TRPM7: variants seen among roughly 807,000 people sequenced by gnomAD.
TRPM7 encodes LTRPC ion channel family member 7.
TRPM7 carries 134 observed loss-of-function variants against 229.7 expected under a neutral mutation model. The observed-to-expected ratio is 0.58, with a 90% CI of 0.51 to 0.67. The LOEUF is 0.67. TRPM7 is among the 30% of genes least tolerant of loss of function. The pLI, the probability that TRPM7 is intolerant of heterozygous loss-of-function variation, is 0.00. For missense variants in TRPM7, 1,901 were observed against 2,210.0 expected (o/e 0.86, Z 2.80); for synonymous variants, 699 against 715.2 (o/e 0.98, Z 0.36).
chr15:50,612,059 G>A (rs1007039252), intron 16 of TRPM7, among the ~76,000 whole-genome samples: 1 of 152,040 alleles, frequency 6.6e-6, no homozygotes, highest in Non-Finnish European at 1.5e-5. Context: ...TAATCCAATT[G>A]CTACTATTTG....
At chr15:50,642,836 C>T (rs1177742603) in intron 5 of TRPM7, among the ~76,000 whole-genome samples, 1 of 151,580 alleles carries the variant, frequency 6.6e-6, no homozygotes, top group Non-Finnish European at 1.5e-5. Context: ...TATAGTTTGC[C>T]AAATCCTGCT....
intron 11 of TRPM7, among the ~76,000 whole-genome samples, chr15:50,626,673 T>C (rs1479959514): frequency 1.3e-5 from 2 of 152,000 alleles, no homozygotes; most frequent in East Asian, 1.9e-4. Context: ...AAGGGAAAAA[T>C]AAGGTTGGTT....
chr15:50,610,709 C>T (rs1452449830), intron 17 of TRPM7, among the ~76,000 whole-genome samples: 1 of 152,080 alleles, frequency 6.6e-6, no homozygotes, highest in Non-Finnish European at 1.5e-5. Flanking sequence ...ATCCAATATA[C>T]TTTAAGTAAC....
intron 1 of TRPM7, among the ~76,000 whole-genome samples, chr15:50,665,919 G>T (rs977832176): frequency 6.6e-6 from 1 of 152,066 alleles, no homozygotes; most frequent in African/African-American, 2.4e-5. Flanking sequence ...CTTGAACGTG[G>T]AAGGCAGAGC....
Position 50,637,601 on chromosome 15 carries a change from A to G in TRPM7, c.661-8T>C. On this transcript the variant is annotated splice_region_variant and splice_polypyrimidine_tract_variant and intron_variant, in intron 6 of 38. Coordinates refer to ENST00000646667, the MANE Select transcript of TRPM7 (RefSeq NM_017672.6). ...TTGATAAGGAGCAACCACCTAAACA[A>G]TAGCAAACAAAAGAGTTAGTGAGCA... is the stretch of plus-strand genomic sequence containing the variant. 1 of 1,607,872 alleles carries G rather than the reference A, an allele frequency of 6.2e-7. No homozygotes were observed. Among genetic ancestry groups the G allele is most frequent in the East Asian group, 2.2e-5 (1 of 44,818 alleles).
chr15:50,684,255 C>T (rs185539598), intron 1 of TRPM7, among the ~76,000 whole-genome samples: 1 of 151,698 alleles, frequency 6.6e-6, no homozygotes, highest in Non-Finnish European at 1.5e-5. Context: ...CAGGTTCAAG[C>T]GATTCTCCTG....
intron 4 of TRPM7, among the ~76,000 whole-genome samples, chr15:50,646,996 T>C (rs1478438932): frequency 6.6e-6 from 1 of 152,206 alleles, no homozygotes; most frequent in Non-Finnish European, 1.5e-5. Flanking sequence ...ACCATCTAGG[T>C]CTGAATACAC....
Position 50,631,486 on chromosome 15 carries a change from T to C in TRPM7, c.1135A>G (p.Thr379Ala), listed in dbSNP as rs1186559783. ...TCATCTGACCCAATATGGAAAACAGTGATCTATTTAAAGATAAATTTATAA... is the reference window on the plus strand; with the variant it reads ...TCATCTGACCCAATATGGAAAACAGCGATCTATTTAAAGATAAATTTATAA... ...MECMKRKELI[T>A]VFHIGSDEHQ... The change falls in exon 10 of 39, where the codon ACT becomes GCT. Residue 379 changes from threonine (T) to alanine (A), a missense_variant. Around this residue, in one of 8 missense-constraint regions of TRPM7, gnomAD observed 794 missense variants for 881.9 expected, o/e 0.90. Coordinates refer to ENST00000646667, the MANE Select transcript of TRPM7 (RefSeq NM_017672.6). 1 of 1,591,808 alleles carries C rather than the reference T, an allele frequency of 6.3e-7. No homozygotes were observed. Among genetic ancestry groups the C allele is most frequent in the Non-Finnish European group, 8.6e-7 (1 of 1,160,646 alleles).
intron 11 of TRPM7, among the ~76,000 whole-genome samples, chr15:50,624,845 T>C (rs907501942): frequency 7.9e-5 from 12 of 152,338 alleles, no homozygotes; most frequent in African/African-American, 2.6e-4. Context: ...TATTTCATCA[T>C]AGTTTTTGTT....
chr15:50,661,369 T>A (rs1452318010), intron 2 of TRPM7, among the ~76,000 whole-genome samples: 1 of 152,132 alleles, frequency 6.6e-6, no homozygotes, highest in African/African-American at 2.4e-5. Flanking sequence ...ACAAAAGCAA[T>A]ACACTGAGAA....
At chr15:50,642,034 G>A (rs2061118089) in intron 5 of TRPM7, among the ~76,000 whole-genome samples, 1 of 151,138 alleles carries the variant, frequency 6.6e-6, no homozygotes, top group Non-Finnish European at 1.5e-5. Context: ...TAATGAATTA[G>A]ATGTTTGCAA....
chr15:50,626,939 T>C (rs756723622), intron 11 of TRPM7, among the ~76,000 whole-genome samples: 3 of 143,782 alleles, frequency 2.1e-5, no homozygotes, highest in African/African-American at 3.0e-5. Flanking sequence ...GCATGAATGT[T>C]TGTACATTCA....
intron 1 of TRPM7, among the ~76,000 whole-genome samples, chr15:50,675,641 G>C (rs2062076863): frequency 6.6e-6 from 1 of 152,130 alleles, no homozygotes; most frequent in Non-Finnish European, 1.5e-5. Context: ...CCAATCAAAT[G>C]TGCCCTGGTT....
At position 50,561,498 on chromosome 15, in the gene TRPM7, G is replaced by A. The variant is rs2053309943; in HGVS notation, c.*180C>T. 1.7e-6 allele frequency: 1 copy of A among 603,704 alleles called. No homozygotes were observed. The highest frequency in any genetic ancestry group is 3.6e-5 in the Admixed American group (1 of 27,594). 37.4% of individuals were successfully genotyped at this position (603,704 alleles called of 1,614,324 possible). ...TCTCAGCTGCCAGCTCTATCCTATA[G>A]GGACTTTCTGACTGATTAATCAGGT... is the stretch of plus-strand genomic sequence containing the variant. On this transcript the variant is annotated 3_prime_UTR_variant, in exon 39 of 39. Transcript: ENST00000646667.
chr15:50,640,936 A>G (rs2061083888), intron 5 of TRPM7, among the ~76,000 whole-genome samples: 1 of 152,166 alleles, frequency 6.6e-6, no homozygotes, highest in Admixed American at 6.5e-5. Flanking sequence ...TAGACTTTTA[A>G]TCTCGGAAAC....
intron 31 of TRPM7, among the ~76,000 whole-genome samples, chr15:50,576,347 T>C (rs2054135360): frequency 6.6e-6 from 1 of 152,150 alleles, no homozygotes; most frequent in Non-Finnish European, 1.5e-5. Context: ...TCTTTTTGTG[T>C]GTGTGTGTGG....
At chr15:50,664,862 G>T (rs1215397681) in intron 1 of TRPM7, among the ~76,000 whole-genome samples, 2 of 152,108 alleles carry the variant, frequency 1.3e-5, no homozygotes, top group Admixed American at 6.6e-5. Flanking sequence ...CTACTCAGGG[G>T]GCTGAGGTGA....
chr15:50,650,608 T>C (rs1481360210), intron 3 of TRPM7, among the ~76,000 whole-genome samples: 2 of 151,742 alleles, frequency 1.3e-5, no homozygotes, highest in Non-Finnish European at 2.9e-5. Context: ...GGCAGGAGAA[T>C]CGCTTGAACC....
At chr15:50,678,066 C>T (rs62017244) in intron 1 of TRPM7, among the ~76,000 whole-genome samples, 22,047 of 149,258 alleles carry the variant, frequency 0.15, 2,187 homozygotes, top group Admixed American at 0.28. Flanking sequence ...GGTGAAACCA[C>T]GTCTCTACTA....
Sources: gnomAD v4.1 joint callset for allele counts (sites outside exome capture counted in the v4.1 genomes callset) on GRCh38, gnomAD v4.1.1 for gene constraint, gnomAD v4.1.1 regional missense constraint, MANE v1.5 for transcripts, NCBI Gene and HGNC (gene_info 2026-07-23, HGNC 2026-07-21) for gene names.